Variants in KAZN observed in about 807,000 individuals in gnomAD.
The protein encoded by KAZN is kazrin.
Under a neutral mutation model 87.4 loss-of-function variants are expected in KAZN, and 40 were observed. That is an observed-to-expected ratio of 0.46 (90% confidence interval 0.36 to 0.60). The LOEUF (loss-of-function observed/expected upper bound fraction) is 0.60, where lower values mean the gene tolerates loss of function less well. KAZN is among the 20% of genes least tolerant of loss of function. The probability of loss-of-function intolerance (pLI) is 0.00; values close to 1 mark genes in which losing one functional copy is unlikely to be tolerated. For synonymous variants in KAZN, 466 were observed against 458.3 expected (o/e 1.02, Z -0.22); for missense variants, 898 against 1,073.9 (o/e 0.84, Z 2.29).
chr1:14,780,281 T>C (rs539736461), intron 1 of KAZN, among the ~76,000 whole-genome samples: 1 of 152,342 alleles, frequency 6.6e-6, no homozygotes, highest in Admixed American at 6.5e-5. Flanking sequence ...AGAGATGCCC[T>C]CCCTGTCTCT....
Position 15,077,536 on chromosome 1 carries a change from G to A in KAZN, c.1222+11783G>A, listed in dbSNP as rs1313521193. ...CCTCGGAGGCCTTGAGTCACTGCAGGAATCCTGAGCTCCACCGCTCCTCCG... is the reference window on the plus strand; with the variant it reads ...CCTCGGAGGCCTTGAGTCACTGCAGAAATCCTGAGCTCCACCGCTCCTCCG... On this transcript the variant is annotated intron_variant, in intron 8 of 14. Coordinates refer to ENST00000376030, the MANE Select transcript of KAZN (RefSeq NM_201628.3). The surrounding 1 kb of genome is among the most constrained non-coding windows in gnomAD (Gnocchi z 4.8). Among the ~76,000 whole-genome samples, 2 of 152,168 alleles carry A rather than the reference G, an allele frequency of 1.3e-5. No homozygotes were observed. The highest frequency in any genetic ancestry group is 2.4e-5 in the African/African-American group (1 of 41,444).
intron 1 of KAZN, among the ~76,000 whole-genome samples, chr1:14,741,817 C>T (rs2100434812): frequency 6.6e-6 from 1 of 152,302 alleles, no homozygotes; most frequent in South Asian, 2.1e-4. Context: ...AAATTCCATT[C>T]TGGTGGCATG....
intron 1 of KAZN, among the ~76,000 whole-genome samples, chr1:14,698,235 C>T (rs13375544): frequency 0.015 from 2,331 of 152,276 alleles, 22 homozygotes; most frequent in Non-Finnish European, 0.024. Context: ...CTTCAGGTCC[C>T]CATTTAGCCA....
chr1:14,067,662 C>T (rs1439257113), intron 1 of KAZN, among the ~76,000 whole-genome samples: 2 of 152,186 alleles, frequency 1.3e-5, no homozygotes, highest in Non-Finnish European at 2.9e-5. Context: ...CTGGGTTAGT[C>T]CCACTGTGTT....
chr1:14,873,846 A>G (rs1652453612), intron 1 of KAZN, among the ~76,000 whole-genome samples: 1 of 152,216 alleles, frequency 6.6e-6, no homozygotes, highest in African/African-American at 2.4e-5. Context: ...TTCAGTATCT[A>G]GTTCAAAGGT....
intron 2 of KAZN, among the ~76,000 whole-genome samples, chr1:15,015,349 C>T (rs1005156293): frequency 6.6e-6 from 1 of 152,086 alleles, no homozygotes; most frequent in Non-Finnish European, 1.5e-5. Context: ...GACGGGATTT[C>T]GCCATGTTGG....
chr1:14,945,550 C>G (rs1277125624), intron 1 of KAZN, among the ~76,000 whole-genome samples: 1 of 152,240 alleles, frequency 6.6e-6, no homozygotes, highest in African/African-American at 2.4e-5. Flanking sequence ...GCCCCCTCCC[C>G]CCACCCCGGC....
intron 2 of KAZN, among the ~76,000 whole-genome samples, chr1:14,210,423 G>A (rs1646830679): frequency 1.3e-5 from 2 of 152,144 alleles, no homozygotes; most frequent in African/African-American, 4.8e-5. Flanking sequence ...TTAGCAGTGT[G>A]AGAATGCACT....
At chr1:14,076,333 G>C (rs572753609) in intron 1 of KAZN, among the ~76,000 whole-genome samples, 2 of 152,108 alleles carry the variant, frequency 1.3e-5, no homozygotes, top group Non-Finnish European at 2.9e-5. Context: ...TGTGAAGAGA[G>C]ATGAAGGTAG....
intron 1 of KAZN, among the ~76,000 whole-genome samples, chr1:14,821,557 A>G (rs1361743421): frequency 1.3e-5 from 2 of 151,742 alleles, no homozygotes; most frequent in African/African-American, 4.8e-5. Flanking sequence ...TGAGGTAACT[A>G]GGGTGGGCCC....
chr1:14,530,856 A>G (rs904975521), intron 2 of KAZN, among the ~76,000 whole-genome samples: 1 of 152,166 alleles, frequency 6.6e-6, no homozygotes, highest in Non-Finnish European at 1.5e-5. Flanking sequence ...AGGCTGAGGC[A>G]GGAGGATCAC....
At chr1:14,105,927 C>T (rs1644364137) in intron 1 of KAZN, among the ~76,000 whole-genome samples, 2 of 152,310 alleles carry the variant, frequency 1.3e-5, no homozygotes, top group African/African-American at 2.4e-5. Flanking sequence ...TACTTTTAAC[C>T]TAATAAATGA....
intron 2 of KAZN, among the ~76,000 whole-genome samples, chr1:14,469,125 T>C (rs537377499): frequency 1.6e-4 from 24 of 152,264 alleles, no homozygotes. Flanking sequence ...ACAGTTTCCA[T>C]AATGTGTGCT....
intron 1 of KAZN, among the ~76,000 whole-genome samples, chr1:14,145,089 A>G (rs1645317459): frequency 6.6e-6 from 1 of 151,950 alleles, no homozygotes; most frequent in Non-Finnish European, 1.5e-5. Flanking sequence ...GGTTCTTAGT[A>G]CCTCTACCCT....
At chr1:15,051,057 C>G (rs527620658) in intron 4 of KAZN, among the ~76,000 whole-genome samples, 13 of 152,340 alleles carry the variant, frequency 8.5e-5, no homozygotes, top group African/African-American at 3.1e-4. Context: ...GCTCAGTGCC[C>G]GTTTGGCGCA....
rs1360304769 is a variant in KAZN at position 14,858,223 on chromosome 1, T to TTTTTTTTTTTTTTTTTTTTC, written c.227-102454_227-102453insTTTTTTTTTTTTCTTTTTTT. Among the ~76,000 whole-genome samples the TTTTTTTTTTTTTTTTTTTTC allele has an allele frequency of 1.4e-5, 2 of 140,066 alleles. 1 individual carries two copies. The highest frequency in any genetic ancestry group is 5.6e-5 in the African/African-American group (2 of 35,422). The allele number at this position is 140,066 out of a possible 152,430, so 91.9% of individuals were successfully genotyped here. On this transcript the variant is annotated intron_variant, in intron 1 of 14. Coordinates refer to ENST00000376030, the MANE Select transcript of KAZN (RefSeq NM_201628.3). The stretch of plus-strand genomic sequence containing the variant: ...TTTTTCTTTTTCTTTTCTTTTTTTT[T>TTTTTTTTTTTTTTTTTTTTC]TTTTTTTGAGACAAAGTCTCACTCT...
At chr1:14,014,055 G>A (rs1640448425) in intron 1 of KAZN, among the ~76,000 whole-genome samples, 1 of 152,176 alleles carries the variant, frequency 6.6e-6, no homozygotes, top group Admixed American at 6.5e-5. Context: ...CCATTGAAAA[G>A]CGTTTCATAC....
intron 2 of KAZN, among the ~76,000 whole-genome samples, chr1:14,550,443 A>T (rs1673429252): frequency 6.6e-6 from 1 of 152,168 alleles, no homozygotes; most frequent in Non-Finnish European, 1.5e-5. Context: ...GAGATCAGCA[A>T]ATGCAGGCTG....
At chr1:14,086,767 C>T (rs72861299) in intron 1 of KAZN, among the ~76,000 whole-genome samples, 1,813 of 152,158 alleles carry the variant, frequency 0.012, 41 homozygotes, top group African/African-American at 0.041. Context: ...GGTCTAGATA[C>T]GGATATCCAA....
Sources: allele counts gnomAD v4.1 joint callset (sites outside exome capture counted in the v4.1 genomes callset), GRCh38; gene constraint gnomAD v4.1.1; non-coding constraint Gnocchi (gnomAD v3.1); transcripts MANE v1.5; gene names NCBI Gene and HGNC (gene_info 2026-07-23, HGNC 2026-07-21).